Variants in IFT52 observed in about 807,000 individuals in gnomAD.
IFT52 encodes intraflagellar transport 52.
A neutral mutation model predicts 54.4 loss-of-function variants in IFT52; 44 were observed. The ratio of observed to expected loss-of-function variants is 0.81; its 90% CI spans 0.63 to 1.04. IFT52 has a LOEUF of 1.04. IFT52 is among the 50% of genes least tolerant of loss of function. The probability of loss-of-function intolerance (pLI) is 0.00; values close to 1 mark genes in which losing one functional copy is unlikely to be tolerated. For missense variants in IFT52, 452 were observed against 523.6 expected (o/e 0.86, Z 1.33); for synonymous variants, 181 against 185.3 (o/e 0.98, Z 0.19).
chr20:43,632,721 T>G (rs1463012796), intron 10 of IFT52, among the ~76,000 whole-genome samples: 1 of 152,196 alleles, frequency 6.6e-6, no homozygotes, highest in Non-Finnish European at 1.5e-5. Context: ...AATTATTTGT[T>G]GAGTGAGCAC....
intron 1 of IFT52, among the ~76,000 whole-genome samples, chr20:43,591,319 T>C (rs548430677): frequency 6.6e-6 from 1 of 152,358 alleles, no homozygotes; most frequent in East Asian, 1.9e-4. Context: ...ACAGTCTTAA[T>C]CTCTCTTCTG....
intron 11 of IFT52, among the ~76,000 whole-genome samples, chr20:43,636,262 ATCTTGTGGGG>A (rs1985533496): frequency 6.6e-6 from 1 of 152,188 alleles, no homozygotes; most frequent in Non-Finnish European, 1.5e-5. Flanking sequence ...TCCTATTCTC[ATCTTGTGGGG>A]TTGGAGGGCA....
At chr20:43,619,172 A>C (rs1478646716) in intron 8 of IFT52, 146 bp downstream of exon 8, 3 of 628,550 alleles carry the variant, frequency 4.8e-6, no homozygotes, top group African/African-American at 1.8e-5. Context: ...AAGTCGAGTC[A>C]GGCATAGTCC....
Position 43,646,965 on chromosome 20 carries a change from A to C in IFT52, c.1296A>C (p.Ala432=). The C allele has an allele frequency of 4.3e-6, 7 of 1,613,894 alleles. No homozygotes were observed. The highest frequency in any genetic ancestry group is 5.9e-6 in the Non-Finnish European group (7 of 1,179,806). ...ATGACATCGATACAAGTGAAACAGC[A>C]TTCCAGAACAATTTCTGAAGACCAT... ...QEHDIDTSET[A]FQNNF is the part of the protein sequence containing the mutation. The change falls in exon 14 of 14, where the codon GCA becomes GCC. Residue 432 remains alanine, a synonymous_variant. Coordinates refer to ENST00000373030, the MANE Select transcript of IFT52 (RefSeq NM_016004.5).
intron 3 of IFT52, among the ~76,000 whole-genome samples, chr20:43,600,530 T>C (rs536296014): frequency 1.3e-5 from 2 of 152,124 alleles, no homozygotes; most frequent in Non-Finnish European, 2.9e-5. Context: ...GATCTCGATC[T>C]CCTGGCCTTG....
intron 6 of IFT52, among the ~76,000 whole-genome samples, chr20:43,609,962 A>AAAATTAAATT (rs60705552): frequency 2.0e-5 from 3 of 150,438 alleles, no homozygotes; most frequent in African/African-American, 7.3e-5. Context: ...AAAATAAAAT[A>AAAATTAAATT]AAATTAAATT....
intron 11 of IFT52, among the ~76,000 whole-genome samples, chr20:43,636,540 A>G (rs1416443352): frequency 2.0e-5 from 3 of 152,176 alleles, no homozygotes; most frequent in Admixed American, 6.6e-5. Context: ...GAGGATTTAC[A>G]TTACAGAAAA....
intron 7 of IFT52, among the ~76,000 whole-genome samples, chr20:43,614,705 TATATC>T (rs753209733): frequency 7.9e-4 from 120 of 152,036 alleles, no homozygotes; most frequent in Admixed American, 1.2e-3. Flanking sequence ...ACTAGGAAAA[TATATC>T]AGAAAACTAT....
intron 2 of IFT52, among the ~76,000 whole-genome samples, chr20:43,595,660 C>T (rs536637347): frequency 6.6e-6 from 1 of 152,204 alleles, no homozygotes; most frequent in African/African-American, 2.4e-5. Flanking sequence ...CTGAAGCAGG[C>T]AGATCACTAG....
At chr20:43,621,814 C>T (rs1984321823) in intron 9 of IFT52, among the ~76,000 whole-genome samples, 2 of 152,220 alleles carry the variant, frequency 1.3e-5, no homozygotes, top group African/African-American at 2.4e-5. Context: ...TGTTCTCTGC[C>T]TCACAGGATG....
intron 12 of IFT52, among the ~76,000 whole-genome samples, chr20:43,641,169 T>C (rs1444097797): frequency 6.6e-6 from 1 of 152,112 alleles, no homozygotes; most frequent in East Asian, 1.9e-4. Flanking sequence ...TTATGGGTGA[T>C]TTTTTTCTTT....
At chr20:43,603,921 G>T in intron 4 of IFT52, 32 bp downstream of exon 4, 5 of 1,363,598 alleles carry the variant, frequency 3.7e-6, no homozygotes, top group Non-Finnish European at 5.2e-6. Context: ...AGTAGAGGCA[G>T]TACTTTTCTA....
chr20:43,634,422 A>G (rs1985383075), intron 10 of IFT52, among the ~76,000 whole-genome samples: 1 of 152,230 alleles, frequency 6.6e-6, no homozygotes, highest in African/African-American at 2.4e-5. Context: ...AAGAAAGTGA[A>G]ACACTGCATA....
At chr20:43,638,121 C>G (rs998917559) in intron 12 of IFT52, among the ~76,000 whole-genome samples, 2 of 152,008 alleles carry the variant, frequency 1.3e-5, no homozygotes, top group Non-Finnish European at 2.9e-5. Context: ...CATATATGCT[C>G]AGAGGCATAA....
At chr20:43,602,968 C>A (rs908799185) in intron 3 of IFT52, among the ~76,000 whole-genome samples, 59 of 152,156 alleles carry the variant, frequency 3.9e-4, no homozygotes, top group Middle Eastern at 3.4e-3. Flanking sequence ...TAAAACATTT[C>A]CTTTTTGGGA....
intron 12 of IFT52, among the ~76,000 whole-genome samples, chr20:43,638,255 A>C (rs1452989859): frequency 6.6e-6 from 1 of 151,454 alleles, no homozygotes; most frequent in Non-Finnish European, 1.5e-5. Context: ...CAATAGTGCT[A>C]TCTCAGCTCG....
At chr20:43,595,908 T>A (rs538300122) in intron 2 of IFT52, among the ~76,000 whole-genome samples, 3 of 151,904 alleles carry the variant, frequency 2.0e-5, no homozygotes, top group South Asian at 2.1e-4. Flanking sequence ...AAAAAAAAAA[T>A]GTCTTTCGAA....
chr20:43,623,255 G>T (rs1984473909), intron 9 of IFT52, among the ~76,000 whole-genome samples: 1 of 152,126 alleles, frequency 6.6e-6, no homozygotes. Flanking sequence ...TTTGATCACG[G>T]CTCACTGCAG....
intron 3 of IFT52, among the ~76,000 whole-genome samples, 155 bp downstream of exon 3, chr20:43,596,677 G>A (rs188697812): frequency 6.7e-6 from 1 of 149,872 alleles, no homozygotes; most frequent in East Asian, 2.0e-4. Context: ...GATTAACTGA[G>A]ATACTCCATG....
Sources: gnomAD v4.1 joint callset for allele counts (sites outside exome capture counted in the v4.1 genomes callset) on GRCh38, gnomAD v4.1.1 for gene constraint, MANE v1.5 for transcripts, NCBI Gene and HGNC (gene_info 2026-07-23, HGNC 2026-07-21) for gene names.